The following TRABD2B variants were observed in gnomAD, a reference collection of about 807,000 sequenced individuals.
TRABD2B encodes TraB domain containing 2B.
In TRABD2B, 14 loss-of-function variants were observed where a neutral mutation model predicts 40.1. The ratio of observed to expected loss-of-function variants is 0.35; its 90% CI spans 0.23 to 0.55. The LOEUF (loss-of-function observed/expected upper bound fraction) is 0.55, where lower values mean the gene tolerates loss of function less well. TRABD2B is among the 20% of genes least tolerant of loss of function. The pLI is 0.90. For missense variants in TRABD2B, 541 were observed against 648.6 expected (o/e 0.83, Z 1.80); for synonymous variants, 263 against 277.0 (o/e 0.95, Z 0.50).
At chr1:47,971,096 G>A (rs564556810) in intron 2 of TRABD2B, among the ~76,000 whole-genome samples, 12 of 152,248 alleles carry the variant, frequency 7.9e-5, no homozygotes, top group African/African-American at 2.4e-4. Flanking sequence ...TTGATAGCAC[G>A]GTAAAAGAAA....
chr1:47,852,672 T>C (rs958825775), intron 2 of TRABD2B, among the ~76,000 whole-genome samples: 9 of 152,104 alleles, frequency 5.9e-5, no homozygotes, highest in Admixed American at 2.0e-4. Context: ...CAGGCACTGG[T>C]TACATACTAT....
chr1:47,928,502 A>G (rs1173801793), intron 2 of TRABD2B, among the ~76,000 whole-genome samples: 1 of 152,212 alleles, frequency 6.6e-6, no homozygotes, highest in Non-Finnish European at 1.5e-5. Context: ...TCCACACCCC[A>G]TGATTATTGG....
intron 2 of TRABD2B, among the ~76,000 whole-genome samples, chr1:47,914,408 T>C (rs1216503851): frequency 2.6e-5 from 4 of 152,222 alleles, no homozygotes; most frequent in Non-Finnish European, 5.9e-5. Flanking sequence ...CCTGGACAGA[T>C]TCCGCGGTGC....
At chr1:47,881,488 C>T (rs569601044) in intron 2 of TRABD2B, among the ~76,000 whole-genome samples, 1 of 152,288 alleles carries the variant, frequency 6.6e-6, no homozygotes, top group African/African-American at 2.4e-5. Context: ...CATAATGACA[C>T]CATGAGATTG....
At chr1:47,781,230 C>T (rs548065404) in intron 4 of TRABD2B, among the ~76,000 whole-genome samples, 94 of 152,350 alleles carry the variant, frequency 6.2e-4, no homozygotes, top group Non-Finnish European at 1.1e-3. Flanking sequence ...TCCTTTTCTG[C>T]CTCCTTGGAG....
In TRABD2B at chr1:47,815,798, GAGATAGATAGAT is replaced by G. The variant is rs6143214; in HGVS notation, c.667-14191_667-14180del. On this transcript the variant is annotated intron_variant, in intron 2 of 6. Coordinates refer to ENST00000606738, the MANE Select transcript of TRABD2B (RefSeq NM_001194986.2). ...CAAGAGAGAGGTAGAGATGGTGACA[GAGATAGATAGAT>G]AGATAGATAGATAGATAGATAGATA... Among the ~76,000 whole-genome samples, 1,222 of 149,106 alleles carry G rather than the reference GAGATAGATAGAT, an allele frequency of 8.2e-3. 8 individuals are homozygous for G. The highest frequency in any genetic ancestry group is 0.012 in the African/African-American group (489 of 40,384).
rs1030306726 is a variant in TRABD2B, at chr1:47,762,686, G to C, written c.*3216C>G. On this transcript the variant is annotated 3_prime_UTR_variant, in exon 7 of 7. Coordinates refer to ENST00000606738, the MANE Select transcript of TRABD2B (RefSeq NM_001194986.2). The stretch of plus-strand genomic sequence containing the variant: ...CATGCTTCCTAGATCCCAGATCTTT[G>C]ACTCTCAGGACTGGAGGCATCCTCA... The C allele has an allele frequency of 6.6e-6, 1 of 152,142 alleles. No individual in the cohort carries two copies. Among genetic ancestry groups the C allele is most frequent in the African/African-American group, 2.4e-5 (1 of 41,438 alleles). 9.4% of individuals were successfully genotyped at this position (152,142 alleles called of 1,614,324 possible). A position where few individuals can be genotyped will look rare whatever the true frequency, so the allele number is the denominator to read the frequency against.
intron 2 of TRABD2B, among the ~76,000 whole-genome samples, chr1:47,884,533 C>T (rs1644345990): frequency 6.6e-6 from 1 of 152,228 alleles, no homozygotes; most frequent in African/African-American, 2.4e-5. Flanking sequence ...GTGTTTCATC[C>T]TAACTCTTCT....
At chr1:47,881,913 G>A (rs1644308702) in intron 2 of TRABD2B, among the ~76,000 whole-genome samples, 1 of 152,182 alleles carries the variant, frequency 6.6e-6, no homozygotes, top group Non-Finnish European at 1.5e-5. Flanking sequence ...CCTGTATGTG[G>A]CCGTTCATCT....
chr1:47,779,629 C>T (rs928004868), intron 4 of TRABD2B, among the ~76,000 whole-genome samples: 14 of 152,068 alleles, frequency 9.2e-5, no homozygotes, highest in Non-Finnish European at 2.1e-4. Context: ...GGAGTCAACA[C>T]TCTGGGATGT....
intron 3 of TRABD2B, 27 bp from the exon 4 acceptor site, chr1:47,794,787 T>C: frequency 1.4e-6 from 2 of 1,383,932 alleles, no homozygotes; most frequent in African/African-American, 1.6e-5. Flanking sequence ...GAGGCTGCCT[T>C]CAGTTTTTTT....
chr1:47,810,419 G>A lies in TRABD2B; in HGVS notation c.667-8800C>T, dbSNP rs369270010. On this transcript the variant is annotated intron_variant, in intron 2 of 6. Coordinates refer to ENST00000606738, the MANE Select transcript of TRABD2B (RefSeq NM_001194986.2). The stretch of plus-strand genomic sequence containing the variant: ...ATGTCCAGGTAAGGTTGCAATGAGA[G>A]GTGACATTTGAGAAAAGGTCTGAAG... Among the ~76,000 whole-genome samples, 9 of 152,198 alleles carry A rather than the reference G, an allele frequency of 5.9e-5. No individual in the cohort carries two copies. In the East Asian group the frequency reaches 1.7e-3, roughly 29 times the overall value.
At chr1:47,977,857 A>G (rs1234946918) in intron 2 of TRABD2B, among the ~76,000 whole-genome samples, 1 of 152,042 alleles carries the variant, frequency 6.6e-6, no homozygotes, top group African/African-American at 2.4e-5. Flanking sequence ...GCTCTAAAGG[A>G]GAAGAAAAGG....
At chr1:47,926,576 C>T (rs1644971936) in intron 2 of TRABD2B, among the ~76,000 whole-genome samples, 2 of 152,326 alleles carry the variant, frequency 1.3e-5, no homozygotes, top group South Asian at 4.2e-4. Context: ...TCCACCTAGA[C>T]CACCTCCAGA....
intron 2 of TRABD2B, among the ~76,000 whole-genome samples, chr1:47,885,874 C>G (rs566590286): frequency 6.6e-5 from 10 of 152,312 alleles, no homozygotes; most frequent in Non-Finnish European, 1.3e-4. Flanking sequence ...TGATAAATGA[C>G]AGTCTCATGC....
At chr1:47,790,654 C>T (rs540644133) in intron 4 of TRABD2B, among the ~76,000 whole-genome samples, 1 of 152,332 alleles carries the variant, frequency 6.6e-6, no homozygotes, top group African/African-American at 2.4e-5. Context: ...ACCTGGGACT[C>T]AAGAGGCCAG....
At chr1:47,909,725 C>T (rs1570266964) in intron 2 of TRABD2B, among the ~76,000 whole-genome samples, 1 of 149,266 alleles carries the variant, frequency 6.7e-6, no homozygotes, top group Non-Finnish European at 1.5e-5. Flanking sequence ...ACACCTCCCA[C>T]CAGGCTCCAT....
intron 2 of TRABD2B, among the ~76,000 whole-genome samples, chr1:47,822,147 C>T (rs10789516): frequency 0.74 from 103,074 of 139,666 alleles, 35,370 homozygotes; most frequent in South Asian, 0.86. Context: ...TGTGTGTACA[C>T]GTACACACAC....
intron 2 of TRABD2B, among the ~76,000 whole-genome samples, chr1:47,975,876 G>C (rs576764657): frequency 2.0e-5 from 3 of 152,292 alleles, no homozygotes; most frequent in East Asian, 3.9e-4. Context: ...TAGGAAACAG[G>C]ATTTGGAGTG....
Sources: allele counts gnomAD v4.1 joint callset (sites outside exome capture counted in the v4.1 genomes callset), GRCh38; gene constraint gnomAD v4.1.1; transcripts MANE v1.5; gene names NCBI Gene and HGNC (gene_info 2026-07-23, HGNC 2026-07-21).